Variants in CELF2 observed in about 807,000 individuals in gnomAD.
The protein encoded by CELF2 is CUG triplet repeat RNA-binding protein 2.
A neutral mutation model predicts 62.6 loss-of-function variants in CELF2; 8 were observed. The ratio of observed to expected loss-of-function variants is 0.13; its 90% CI spans 0.07 to 0.23. The LOEUF (loss-of-function observed/expected upper bound fraction) is 0.23. Ranked by LOEUF, CELF2 falls within the 10% of genes least tolerant of loss-of-function variation. The probability of loss-of-function intolerance (pLI) is 1.00; values close to 1 mark genes in which losing one functional copy is unlikely to be tolerated. For missense variants in CELF2, 333 were observed against 671.0 expected, an observed-to-expected ratio of 0.50 and a Z score of 5.56; for synonymous variants, 258 against 250.0, an observed-to-expected ratio of 1.03 and a Z score of -0.30.
At chr10:11,104,185 T>C (rs1273316279) in intron 1 of CELF2, among the ~76,000 whole-genome samples, 1 of 152,204 alleles carries the variant, frequency 6.6e-6, no homozygotes, top group African/African-American at 2.4e-5. Flanking sequence ...AAGGTAATTT[T>C]TAAAGAATGT....
chr10:10,884,636 C>T (rs2061641487), intron 1 of CELF2, among the ~76,000 whole-genome samples: 1 of 152,192 alleles, frequency 6.6e-6, no homozygotes. Context: ...CACACACACC[C>T]ATACACTGTG....
intron 1 of CELF2, among the ~76,000 whole-genome samples, chr10:10,848,972 C>T (rs955782266): frequency 8.5e-5 from 13 of 152,164 alleles, no homozygotes; most frequent in African/African-American, 3.1e-4. Flanking sequence ...CAGACAACAG[C>T]CTCTCTCACT....
At chr10:10,516,805 C>T in the CELF2 span, among the ~76,000 whole-genome samples, 179 of 151,980 alleles carry the variant, frequency 1.2e-3, 3 homozygotes, top group East Asian at 0.023. Flanking sequence ...ACCCGGGCAA[C>T]TCTGGAAGGG....
the CELF2 span, among the ~76,000 whole-genome samples, chr10:10,561,918 C>G: frequency 3.3e-5 from 5 of 152,232 alleles, no homozygotes; most frequent in East Asian, 1.9e-4. Context: ...GTTCAGCCCC[C>G]CTGCTCTCAC....
the CELF2 span, among the ~76,000 whole-genome samples, chr10:10,621,609 C>A: frequency 1.3e-5 from 2 of 152,056 alleles, no homozygotes; most frequent in African/African-American, 4.8e-5. Context: ...TGGTGCCTAG[C>A]ACATAAGACA....
intron 1 of CELF2, among the ~76,000 whole-genome samples, chr10:10,908,456 G>A (rs1030811018): frequency 2.0e-5 from 3 of 151,642 alleles, no homozygotes; most frequent in African/African-American, 4.8e-5. Context: ...TCCTGAACTC[G>A]TGATCTGCCC....
chr10:10,774,322 G>T, the CELF2 span, among the ~76,000 whole-genome samples: 2 of 152,198 alleles, frequency 1.3e-5, no homozygotes, highest in Admixed American at 6.5e-5. Context: ...CTATGAAGTA[G>T]TTAAAACAGG....
chr10:11,196,319 G>A (rs1053983350), intron 2 of CELF2, among the ~76,000 whole-genome samples: 3 of 152,216 alleles, frequency 2.0e-5, no homozygotes, highest in African/African-American at 7.2e-5. Context: ...AAAGAACATA[G>A]ATACCTGTTC....
At chr10:10,859,591 A>T (rs571851204) in intron 1 of CELF2, among the ~76,000 whole-genome samples, 1 of 152,216 alleles carries the variant, frequency 6.6e-6, no homozygotes, top group Non-Finnish European at 1.5e-5. Flanking sequence ...TTGATCTGTC[A>T]TCCTATTAAA....
At chr10:11,186,456 A>G (rs970918837) in intron 2 of CELF2, among the ~76,000 whole-genome samples, 1 of 152,158 alleles carries the variant, frequency 6.6e-6, no homozygotes. Flanking sequence ...ATGAAAGTAT[A>G]TAATGGTATA....
At chr10:11,254,508 A>G (rs1364999716) in intron 4 of CELF2, among the ~76,000 whole-genome samples, 2 of 152,334 alleles carry the variant, frequency 1.3e-5, no homozygotes, top group African/African-American at 4.8e-5. Context: ...AGTGATGGCT[A>G]GGAAGTCAGC....
At chr10:10,690,864 G>A in the CELF2 span, among the ~76,000 whole-genome samples, 6 of 152,244 alleles carry the variant, frequency 3.9e-5, no homozygotes, top group East Asian at 1.2e-3. Flanking sequence ...CTGGGTGACA[G>A]TGAAACTCTG....
chr10:11,323,560 T>C (rs35759380), intron 11 of CELF2, among the ~76,000 whole-genome samples: 11,768 of 152,178 alleles, frequency 0.077, 600 homozygotes, highest in Non-Finnish European at 0.11. Flanking sequence ...GGCCCGCCTC[T>C]GTCCATTACC....
At chr10:10,618,866 G>T in the CELF2 span, among the ~76,000 whole-genome samples, 68,607 of 151,648 alleles carry the variant, frequency 0.45, 15,953 homozygotes, top group South Asian at 0.69. Flanking sequence ...GTGAAATACA[G>T]GGGGTTCTAT....
At chr10:10,777,169 A>T in the CELF2 span, among the ~76,000 whole-genome samples, 1 of 152,076 alleles carries the variant, frequency 6.6e-6, no homozygotes, top group East Asian at 1.9e-4. Flanking sequence ...CACTCTGACC[A>T]CACCAGAAAA....
intron 5 of CELF2, among the ~76,000 whole-genome samples, chr10:11,265,684 G>T (rs1565642273): frequency 1.3e-5 from 2 of 152,250 alleles, no homozygotes; most frequent in Non-Finnish European, 2.9e-5. Context: ...GCAGTGACCT[G>T]CATGGTGGCC....
chr10:10,661,698 GT>G, the CELF2 span, among the ~76,000 whole-genome samples: 2 of 152,142 alleles, frequency 1.3e-5, no homozygotes, highest in African/African-American at 4.8e-5. Context: ...TAGTTACCAC[GT>G]TTCTAGGGTC....
the CELF2 span, among the ~76,000 whole-genome samples, chr10:10,491,192 G>C: frequency 0.36 from 54,625 of 151,960 alleles, 10,563 homozygotes; most frequent in Admixed American, 0.52. Flanking sequence ...ACACAAATGA[G>C]TCTAGGTACT....
rs1395336899 is a variant in CELF2 at position 11,319,559 on chromosome 10, T to A, written c.1097-1630T>A. On this transcript the variant is annotated intron_variant, in intron 10 of 12. Transcript: ENST00000633077. The surrounding 1 kb of genome is among the most constrained non-coding windows in gnomAD (Gnocchi z 4.4). ...AACATTAATGAAAATCTCAATGATT[T>A]TCATTAATAGATAGACCCCTTCATA... Among the ~76,000 whole-genome samples, 1 of 152,108 alleles carries A rather than the reference T, an allele frequency of 6.6e-6. No homozygotes were observed. Among genetic ancestry groups the A allele is most frequent in the African/African-American group, 2.4e-5 (1 of 41,404 alleles).
Sources: allele counts gnomAD v4.1 joint callset (sites outside exome capture counted in the v4.1 genomes callset), GRCh38; gene constraint gnomAD v4.1.1; non-coding constraint Gnocchi (gnomAD v3.1); transcripts MANE v1.5; gene names NCBI Gene and HGNC (gene_info 2026-07-23, HGNC 2026-07-21).